The following TSPAN9 variants were observed in gnomAD, a reference collection of about 807,000 sequenced individuals.
The protein encoded by TSPAN9 is tetraspanin-9.
TSPAN9 carries 16 observed loss-of-function variants against 31.0 expected under a neutral mutation model. The observed-to-expected ratio is 0.52, with a 90% CI of 0.35 to 0.78. TSPAN9 has a LOEUF of 0.78. TSPAN9 is among the 30% of genes least tolerant of loss of function. The pLI is 0.01. For missense variants in TSPAN9, 272 were observed against 312.5 expected (o/e 0.87, Z 0.98); for synonymous variants, 145 against 121.6 (o/e 1.19, Z -1.27).
chr12:3,243,810 G>A (rs1333400099), intron 3 of TSPAN9, among the ~76,000 whole-genome samples: 6 of 152,204 alleles, frequency 3.9e-5, no homozygotes, highest in African/African-American at 1.4e-4. Flanking sequence ...GCCCAGGCCA[G>A]CTGCTCTAGG....
At chr12:3,105,954 C>G (rs1400748753) in intron 2 of TSPAN9, among the ~76,000 whole-genome samples, 2 of 152,150 alleles carry the variant, frequency 1.3e-5, no homozygotes, top group African/African-American at 2.4e-5. Flanking sequence ...GCCTCCCTTA[C>G]CCTCACGTGC....
chr12:3,247,491 C>T (rs1862161016), intron 3 of TSPAN9, among the ~76,000 whole-genome samples: 1 of 152,128 alleles, frequency 6.6e-6, no homozygotes, highest in African/African-American at 2.4e-5. Flanking sequence ...GAAAGACTTG[C>T]AGGGTCTCAA....
At chr12:3,257,466 C>T (rs527554161) in intron 3 of TSPAN9, among the ~76,000 whole-genome samples, 240 of 151,862 alleles carry the variant, frequency 1.6e-3, no homozygotes, top group Non-Finnish European at 2.7e-3. Flanking sequence ...TCCCAGCCCC[C>T]GACGAGCCAT....
At chr12:3,101,125 T>C (rs149257864) in intron 2 of TSPAN9, among the ~76,000 whole-genome samples, 1 of 152,244 alleles carries the variant, frequency 6.6e-6, no homozygotes, top group East Asian at 1.9e-4. Flanking sequence ...AGGAATTGGA[T>C]GAAGGATTTG....
At chr12:3,199,990 A>G (rs531880558) in intron 2 of TSPAN9, 1 of 152,458 alleles carries the variant, frequency 6.6e-6, no homozygotes, top group East Asian at 1.9e-4. Context: ...GTCCCCCTCC[A>G]GTCCTTCTCC....
At position 3,265,403 on chromosome 12, in the gene TSPAN9, C is replaced by T. The variant is rs116130708; in HGVS notation, c.64-13018C>T. On this transcript the variant is annotated intron_variant, in intron 3 of 8. Transcript: ENST00000011898. Reference sequence around the variant, plus strand: ...TTTGCAGAGACACGGTACATGAAAGCGCCCTCTGGAAAACAAATGGCAAAG... The same window carrying T: ...TTTGCAGAGACACGGTACATGAAAGTGCCCTCTGGAAAACAAATGGCAAAG... Among the ~76,000 whole-genome samples, 498 of 152,274 alleles carry T rather than the reference C, an allele frequency of 3.3e-3. 1 individual carries two copies. The highest frequency in any genetic ancestry group is 0.012 in the African/African-American group (481 of 41,558).
intron 2 of TSPAN9, among the ~76,000 whole-genome samples, chr12:3,118,604 T>C (rs1037395457): frequency 1.3e-5 from 2 of 151,866 alleles, no homozygotes; most frequent in Non-Finnish European, 2.9e-5. Flanking sequence ...GGGATACTTA[T>C]TTTATATTTA....
At chr12:3,144,438 C>A (rs2098336218) in intron 2 of TSPAN9, among the ~76,000 whole-genome samples, 1 of 152,124 alleles carries the variant, frequency 6.6e-6, no homozygotes, top group Non-Finnish European at 1.5e-5. Context: ...ACAGGAAGCA[C>A]CATGTGATGA....
At chr12:3,248,353 G>A (rs534906745) in intron 3 of TSPAN9, among the ~76,000 whole-genome samples, 5 of 152,320 alleles carry the variant, frequency 3.3e-5, no homozygotes, top group Non-Finnish European at 7.4e-5. Context: ...GACCACTGGG[G>A]TGTAGCCCTT....
intron 3 of TSPAN9, chr12:3,206,384 G>A (rs1051900161): frequency 3.3e-5 from 15 of 455,880 alleles, no homozygotes; most frequent in African/African-American, 8.0e-5. Context: ...CTCGTCCTGC[G>A]CTGAGCATTT....
intron 2 of TSPAN9, among the ~76,000 whole-genome samples, chr12:3,135,236 A>C (rs1440542033): frequency 6.6e-5 from 10 of 152,034 alleles, no homozygotes; most frequent in Non-Finnish European, 2.9e-5. Flanking sequence ...GATGCACTCC[A>C]CCACACCTGG....
chr12:3,268,015 C>G (rs1017707113), intron 3 of TSPAN9, among the ~76,000 whole-genome samples: 19 of 152,224 alleles, frequency 1.2e-4, no homozygotes, highest in African/African-American at 4.3e-4. Flanking sequence ...CTCCTCACCC[C>G]CTACTCTCCC....
In TSPAN9 at chr12:3,280,110, T is replaced by C. The variant is rs1452550910; in HGVS notation, c.331-272T>C. Among the ~76,000 whole-genome samples, 2 of 152,072 alleles carry C rather than the reference T, an allele frequency of 1.3e-5. No homozygotes were observed. The highest frequency in any genetic ancestry group is 2.4e-5 in the African/African-American group (1 of 41,418). On this transcript the variant is annotated intron_variant, in intron 5 of 8. Transcript: ENST00000011898. This position sits in a 1 kb window ranked among gnomAD's most constrained non-coding sequence, Gnocchi z 4.5. ...GGTGTGTTTTTTTGCCTCTGGGTGTTACAGCCCTGGCCCTGAGTTTAGCTC... is the reference window on the plus strand; with the variant it reads ...GGTGTGTTTTTTTGCCTCTGGGTGTCACAGCCCTGGCCCTGAGTTTAGCTC...
chr12:3,237,429 A>G (rs2098394384), intron 3 of TSPAN9, among the ~76,000 whole-genome samples: 1 of 152,144 alleles, frequency 6.6e-6, no homozygotes, highest in Admixed American at 6.5e-5. Context: ...TACCAGGGCT[A>G]CCTCTTGGCC....
At chr12:3,235,013 A>G (rs941857189) in intron 3 of TSPAN9, among the ~76,000 whole-genome samples, 5 of 146,190 alleles carry the variant, frequency 3.4e-5, no homozygotes, top group Admixed American at 2.7e-4. Flanking sequence ...ATACAAAAAA[A>G]AAAATTAGCC....
At chr12:3,220,166 A>G (rs985892912) in intron 3 of TSPAN9, among the ~76,000 whole-genome samples, 3 of 151,942 alleles carry the variant, frequency 2.0e-5, no homozygotes, top group African/African-American at 7.3e-5. Flanking sequence ...AAAAGGAATG[A>G]ATCTAGGAAG....
At chr12:3,225,771 T>C (rs896171184) in intron 3 of TSPAN9, among the ~76,000 whole-genome samples, 3 of 151,404 alleles carry the variant, frequency 2.0e-5, no homozygotes, top group African/African-American at 7.3e-5. Flanking sequence ...GTTTCGTATA[T>C]CAGAGGGTCT....
intron 2 of TSPAN9, among the ~76,000 whole-genome samples, chr12:3,085,121 G>C (rs1294586735): frequency 6.6e-6 from 1 of 152,088 alleles, no homozygotes; most frequent in Non-Finnish European, 1.5e-5. Context: ...AGTGGCTCAC[G>C]CCTGGAATCC....
At chr12:3,153,666 C>T (rs1356652775) in intron 2 of TSPAN9, among the ~76,000 whole-genome samples, 1 of 152,160 alleles carries the variant, frequency 6.6e-6, no homozygotes, top group African/African-American at 2.4e-5. Context: ...TGCACTAATA[C>T]ATTAATATGT....
Sources: gnomAD v4.1 joint callset for allele counts (sites outside exome capture counted in the v4.1 genomes callset) on GRCh38, gnomAD v4.1.1 for gene constraint, Gnocchi (gnomAD v3.1) non-coding constraint, MANE v1.5 for transcripts, NCBI Gene and HGNC (gene_info 2026-07-23, HGNC 2026-07-21) for gene names.